Variants in DIAPH2 observed in about 807,000 individuals in gnomAD.
The protein encoded by DIAPH2 is protein diaphanous homolog 2.
In DIAPH2, 35 loss-of-function variants were observed where a neutral mutation model predicts 92.7. The ratio of observed to expected loss-of-function variants is 0.38; its 90% confidence interval spans 0.29 to 0.50. The LOEUF is 0.50. Ranked by LOEUF, DIAPH2 falls within the 20% of genes least tolerant of loss-of-function variation. The probability of loss-of-function intolerance (pLI) is 0.94; values close to 1 mark genes in which losing one functional copy is unlikely to be tolerated. For synonymous variants in DIAPH2, 301 were observed against 280.4 expected, an observed-to-expected ratio of 1.07 and a Z score of -0.73; for missense variants, 701 against 819.5, an observed-to-expected ratio of 0.86 and a Z score of 1.77.
At chrX:96,741,738 C>T (rs982294954) in intron 3 of DIAPH2, among the ~76,000 whole-genome samples, 1 of 111,580 alleles carries the variant, frequency 9.0e-6, no homozygotes, top group African/African-American at 3.3e-5. Flanking sequence ...CCTGCCTTGG[C>T]CTCCCAAAGT....
chrX:97,141,515 A>G, intron 21 of DIAPH2, 150 bp from the exon 22 acceptor site: 1 of 474,485 alleles, frequency 2.1e-6, no homozygotes, highest in Non-Finnish European at 3.2e-6. Flanking sequence ...TCCTTTTAAA[A>G]TCTAGAGCAC....
chrX:96,859,633 AT>A (rs1170186011), intron 4 of DIAPH2, among the ~76,000 whole-genome samples: 18 of 106,589 alleles, frequency 1.7e-4, no homozygotes, highest in African/African-American at 6.1e-4. Flanking sequence ...TTATTTATTT[AT>A]TTATTTATTT....
At chrX:96,815,324 C>T (rs1338480891) in intron 4 of DIAPH2, among the ~76,000 whole-genome samples, 1 of 111,943 alleles carries the variant, frequency 8.9e-6, no homozygotes, top group Non-Finnish European at 1.9e-5. Context: ...GACGTGGGAC[C>T]CACCGAGCCA....
At chrX:96,897,162 A>C (rs938423890) in intron 5 of DIAPH2, among the ~76,000 whole-genome samples, 1 of 111,282 alleles carries the variant, frequency 9.0e-6, no homozygotes, top group African/African-American at 3.3e-5. Context: ...AAGAGAAGAA[A>C]TTTTTAAAAG....
At chrX:96,881,997 A>G (rs907969970) in intron 5 of DIAPH2, among the ~76,000 whole-genome samples, 4 of 111,341 alleles carry the variant, frequency 3.6e-5, no homozygotes, top group Non-Finnish European at 7.5e-5. Context: ...GGGATCAGAT[A>G]ATTATTATAT....
At chrX:96,858,014 T>C (rs1391365444) in intron 4 of DIAPH2, among the ~76,000 whole-genome samples, 1 of 112,576 alleles carries the variant, frequency 8.9e-6, no homozygotes, top group East Asian at 2.8e-4. Flanking sequence ...CTTAAAATAA[T>C]TTATTCTTAA....
At chrX:96,885,039 C>T (rs1168150584) in intron 5 of DIAPH2, 2 of 1,208,678 alleles carry the variant, frequency 1.7e-6, no homozygotes, top group African/African-American at 3.5e-5. Context: ...ATTATCTGAC[C>T]GTTGAGGGCC....
intron 22 of DIAPH2, among the ~76,000 whole-genome samples, chrX:97,159,850 C>T (rs941569616): frequency 3.6e-5 from 4 of 111,113 alleles, no homozygotes; most frequent in Non-Finnish European, 7.6e-5. Flanking sequence ...CCAGTAATAA[C>T]GACTGGTAAC....
chrX:96,840,106 C>A (rs1400164977), intron 4 of DIAPH2, among the ~76,000 whole-genome samples: 1 of 111,973 alleles, frequency 8.9e-6, no homozygotes, highest in Non-Finnish European at 1.9e-5. Flanking sequence ...TGAGATATAT[C>A]TTTTTATTAA....
intron 17 of DIAPH2, among the ~76,000 whole-genome samples, chrX:97,027,332 T>C (rs5920693): frequency 0.036 from 3,999 of 111,982 alleles, 88 homozygotes; most frequent in Middle Eastern, 0.078. Flanking sequence ...TAGATAAATC[T>C]AAAATATGGT....
chrX:96,987,164 T>C (rs1316704495), intron 17 of DIAPH2, among the ~76,000 whole-genome samples: 1 of 111,603 alleles, frequency 9.0e-6, no homozygotes, highest in East Asian at 2.8e-4. Context: ...AAATTTACTT[T>C]GTTTCACAAA....
At chrX:97,043,081 T>C (rs1165735405) in intron 17 of DIAPH2, among the ~76,000 whole-genome samples, 3 of 111,713 alleles carry the variant, frequency 2.7e-5, no homozygotes, top group Non-Finnish European at 5.7e-5. Context: ...GTCACAAATT[T>C]ATGACTGTAT....
At chrX:97,053,665 T>G (rs1041579418) in intron 17 of DIAPH2, among the ~76,000 whole-genome samples, 17 of 111,707 alleles carry the variant, frequency 1.5e-4, no homozygotes, top group African/African-American at 5.5e-4. Context: ...AAGAACTATG[T>G]TCTGTCGATA....
At chrX:96,789,337 A>G (rs1204176663) in intron 4 of DIAPH2, among the ~76,000 whole-genome samples, 1 of 112,018 alleles carries the variant, frequency 8.9e-6, no homozygotes, top group Non-Finnish European at 1.9e-5. Flanking sequence ...CAGACTCCCC[A>G]AAGTAAAGCA....
At position 97,048,680 on chromosome X, in the gene DIAPH2, C is replaced by T. The variant is rs142465629; in HGVS notation, c.2051-24261C>T. Reference sequence around the variant, plus strand: ...TACGTGGCCAATTACAGTACTCCTTCCACAAATAGCGGTTGGCACTCAGCA... The same window carrying T: ...TACGTGGCCAATTACAGTACTCCTTTCACAAATAGCGGTTGGCACTCAGCA... On this transcript the variant is annotated intron_variant, in intron 17 of 26. Coordinates refer to ENST00000324765, the MANE Select transcript of DIAPH2 (RefSeq NM_006729.5). Among the ~76,000 whole-genome samples the T allele has an allele frequency of 4.8e-3, 529 of 111,328 alleles. 1 individual carries two copies. Among genetic ancestry groups the T allele is most frequent in the African/African-American group, 0.016 (501 of 30,742 alleles).
intron 1 of DIAPH2, among the ~76,000 whole-genome samples, chrX:96,714,382 A>G (rs1446348648): frequency 9.3e-6 from 1 of 107,193 alleles, no homozygotes; most frequent in Non-Finnish European, 1.9e-5. Context: ...CTTCTGCCTC[A>G]GCCTCCCGAG....
At chrX:97,570,224 C>T (rs1197227095) in intron 26 of DIAPH2, among the ~76,000 whole-genome samples, 6 of 97,039 alleles carry the variant, frequency 6.2e-5, no homozygotes, top group African/African-American at 2.2e-4. Context: ...CACACACACA[C>T]ATATATATAT....
chrX:97,415,345 A>G (rs1186262524), intron 25 of DIAPH2, among the ~76,000 whole-genome samples: 1 of 111,969 alleles, frequency 8.9e-6, no homozygotes, highest in Non-Finnish European at 1.9e-5. Flanking sequence ...CAGCCATCCC[A>G]TTACTGGGTA....
At chrX:96,867,321 C>T (rs187831956) in intron 4 of DIAPH2, among the ~76,000 whole-genome samples, 48 of 110,961 alleles carry the variant, frequency 4.3e-4, no homozygotes, top group African/African-American at 1.4e-3. Flanking sequence ...CAGGTTCAAG[C>T]GATTCTCCTG....
Sources: gnomAD v4.1 joint callset for allele counts (sites outside exome capture counted in the v4.1 genomes callset) on GRCh38, gnomAD v4.1.1 for gene constraint, MANE v1.5 for transcripts, NCBI Gene and HGNC (gene_info 2026-07-23, HGNC 2026-07-21) for gene names.